The following TAF4B variants were observed in gnomAD, a reference collection of about 807,000 sequenced individuals.
The protein encoded by TAF4B is transcription initiation factor TFIID subunit 4B.
Under a neutral mutation model 86.4 loss-of-function variants are expected in TAF4B, and 38 were observed. That is an observed-to-expected ratio of 0.44 (90% CI 0.34 to 0.58). TAF4B has a LOEUF of 0.58. Ranked by LOEUF, TAF4B falls within the 20% of genes least tolerant of loss-of-function variation. The pLI, the probability that TAF4B is intolerant of heterozygous loss-of-function variation, is 0.02. For synonymous variants in TAF4B, 388 were observed against 391.2 expected (o/e 0.99, Z 0.10); for missense variants, 988 against 1,027.6 (o/e 0.96, Z 0.53).
At chr18:26,279,176 T>G (rs2056417030) in intron 5 of TAF4B, among the ~76,000 whole-genome samples, 1 of 152,192 alleles carries the variant, frequency 6.6e-6, no homozygotes, top group South Asian at 2.1e-4. Context: ...TTTAGTAAAG[T>G]TTCAGGGTAC....
intron 10 of TAF4B, among the ~76,000 whole-genome samples, chr18:26,315,847 AG>A (rs2056905616): frequency 6.6e-6 from 1 of 152,154 alleles, no homozygotes. Context: ...ACTAGATTAG[AG>A]TCTTAGGGTC....
chr18:26,384,007 A>G (rs1343369434), intron 14 of TAF4B, among the ~76,000 whole-genome samples: 1 of 152,100 alleles, frequency 6.6e-6, no homozygotes, highest in Non-Finnish European at 1.5e-5. Context: ...TCCAGGGCAC[A>G]TTTATTTATT....
intron 9 of TAF4B, among the ~76,000 whole-genome samples, chr18:26,308,439 A>G (rs936391755): frequency 6.6e-6 from 1 of 152,206 alleles, no homozygotes; most frequent in Admixed American, 6.5e-5. Context: ...AGGTAGGTAC[A>G]CCATGAAGTG....
chr18:26,332,218 A>G (rs2057055699), intron 12 of TAF4B, among the ~76,000 whole-genome samples: 1 of 152,186 alleles, frequency 6.6e-6, no homozygotes, highest in Non-Finnish European at 1.5e-5. Context: ...TTCATAACTG[A>G]CAACCAGCCC....
At chr18:26,362,504 G>A (rs1265849370) in intron 14 of TAF4B, among the ~76,000 whole-genome samples, 6 of 152,134 alleles carry the variant, frequency 3.9e-5, no homozygotes, top group South Asian at 2.1e-4. Flanking sequence ...ATAATAAACA[G>A]ATTTTTAGGT....
rs761678537 is a variant in TAF4B at position 26,274,827 on chromosome 18, A to G, written c.759+3A>G. The G allele has an allele frequency of 1.2e-6, 2 of 1,614,190 alleles. No individual in the cohort carries two copies. The highest frequency in any genetic ancestry group is 1.7e-6 in the Non-Finnish European group (2 of 1,180,036). On this transcript the variant is annotated splice_donor_region_variant and intron_variant, in intron 4 of 14. Coordinates refer to ENST00000269142, the MANE Select transcript of TAF4B (RefSeq NM_005640.3). ...CTGTTCAGATTAATCTTTCTCCGGT[A>G]AGCTCTTACTTGCACCTTACATAAA...
intron 10 of TAF4B, among the ~76,000 whole-genome samples, chr18:26,317,364 C>T (rs1194699070): frequency 1.3e-5 from 2 of 152,006 alleles, no homozygotes; most frequent in African/African-American, 4.8e-5. Flanking sequence ...GTGGTTTAAA[C>T]CTTGATTATA....
intron 7 of TAF4B, among the ~76,000 whole-genome samples, chr18:26,288,119 T>C (rs1173394000): frequency 6.6e-6 from 1 of 152,224 alleles, no homozygotes; most frequent in Non-Finnish European, 1.5e-5. Context: ...TTGGTAGCAC[T>C]GAACAGAATT....
chr18:26,308,226 C>T (rs2144651083), intron 9 of TAF4B, among the ~76,000 whole-genome samples: 1 of 152,136 alleles, frequency 6.6e-6, no homozygotes, highest in South Asian at 2.1e-4. Context: ...TGCACTCCAG[C>T]CTGGGTGTCT....
intron 14 of TAF4B, among the ~76,000 whole-genome samples, chr18:26,378,960 AT>A (rs1436345060): frequency 6.6e-6 from 1 of 152,122 alleles, no homozygotes; most frequent in East Asian, 1.9e-4. Context: ...TGTTTTCAAT[AT>A]TTGGCTAGTA....
chr18:26,339,697 T>G (rs1271670369), intron 13 of TAF4B, among the ~76,000 whole-genome samples: 1 of 152,228 alleles, frequency 6.6e-6, no homozygotes, highest in Admixed American at 6.5e-5. Flanking sequence ...TATCTTTATT[T>G]AATGCAGCTG....
At chr18:26,287,723 A>G (rs2056542025) in intron 7 of TAF4B, among the ~76,000 whole-genome samples, 1 of 152,136 alleles carries the variant, frequency 6.6e-6, no homozygotes, top group Non-Finnish European at 1.5e-5. Context: ...GTTTTGGTTC[A>G]TTCTGCTTCT....
intron 9 of TAF4B, among the ~76,000 whole-genome samples, chr18:26,312,572 C>G (rs1199897623): frequency 6.6e-6 from 1 of 152,164 alleles, no homozygotes; most frequent in Non-Finnish European, 1.5e-5. Flanking sequence ...TCCTCATTGA[C>G]TGAATTCTGT....
chr18:26,316,934 T>A (rs191059283), intron 10 of TAF4B, among the ~76,000 whole-genome samples: 1 of 152,166 alleles, frequency 6.6e-6, no homozygotes, highest in Non-Finnish European at 1.5e-5. Context: ...GGGAAATCTA[T>A]TGGTAGCTTA....
At chr18:26,312,283 T>C (rs193147127) in intron 9 of TAF4B, among the ~76,000 whole-genome samples, 242 of 152,338 alleles carry the variant, frequency 1.6e-3, no homozygotes, top group African/African-American at 5.0e-3. Context: ...CTTACTGATA[T>C]GCTGCTAGAA....
chr18:26,238,590 CT>C (rs200019637), intron 1 of TAF4B, among the ~76,000 whole-genome samples: 41 of 148,080 alleles, frequency 2.8e-4, no homozygotes, highest in African/African-American at 5.9e-4. Flanking sequence ...ATATTTATAC[CT>C]TTTTTTTTTA....
chr18:26,272,691 C>T (rs990449135), intron 3 of TAF4B, among the ~76,000 whole-genome samples: 7 of 152,114 alleles, frequency 4.6e-5, no homozygotes, highest in African/African-American at 1.7e-4. Context: ...CCAGATTACA[C>T]TTTCTTAAAT....
At chr18:26,234,639 T>C (rs1405277346) in intron 1 of TAF4B, among the ~76,000 whole-genome samples, 1 of 152,124 alleles carries the variant, frequency 6.6e-6, no homozygotes, top group Non-Finnish European at 1.5e-5. Context: ...CTTTCATCGA[T>C]ATATAGGTTA....
At chr18:26,320,194 T>C (rs1164597570) in intron 10 of TAF4B, among the ~76,000 whole-genome samples, 1 of 152,244 alleles carries the variant, frequency 6.6e-6, no homozygotes, top group Non-Finnish European at 1.5e-5. Context: ...TAAAAATTCA[T>C]GTGTATATGT....
Sources: gnomAD v4.1 joint callset for allele counts (sites outside exome capture counted in the v4.1 genomes callset) on GRCh38, gnomAD v4.1.1 for gene constraint, MANE v1.5 for transcripts, NCBI Gene and HGNC (gene_info 2026-07-23, HGNC 2026-07-21) for gene names.